The following ADAM28 variants were observed in gnomAD, a reference collection of about 807,000 sequenced individuals.
ADAM28 encodes ADAM metallopeptidase domain 28.
A neutral mutation model predicts 101.2 loss-of-function variants in ADAM28; 105 were observed. The ratio of observed to expected loss-of-function variants is 1.04; its 90% CI spans 0.89 to 1.22. The LOEUF (loss-of-function observed/expected upper bound fraction) is 1.22, where lower values mean the gene tolerates loss of function less well. ADAM28 is among the 50% of genes most tolerant of loss of function. The probability of loss-of-function intolerance (pLI) is 0.00; values close to 1 mark genes in which losing one functional copy is unlikely to be tolerated. For synonymous variants in ADAM28, 322 were observed against 310.6 expected (o/e 1.04, Z -0.39); for missense variants, 1,028 against 945.4 (o/e 1.09, Z -1.15).
In ADAM28 at chr8:24,343,550, C is replaced by A. The variant is rs777423480; in HGVS notation, c.1956C>A (p.Ile652=). The change falls in exon 18 of 23, where the codon ATC becomes ATA. Residue 652 remains isoleucine (I), a synonymous_variant. Transcript: ENST00000265769. ...AGTGTCAATGTGAGGAAGGATGGAT[C>A]CCTCCCGACTGCGATGACTCCTCAG... is the stretch of plus-strand genomic sequence containing the variant. The part of the protein sequence containing the change: ...ELQCQCEEGW[I]PPDCDDSSVV... 1.2e-6 allele frequency: 2 copies of A among 1,613,766 alleles called. No individual in the cohort carries two copies. The highest frequency in any genetic ancestry group is 2.2e-5 in the South Asian group (2 of 91,074).
At chr8:24,341,982 G>A (rs765016507) in intron 16 of ADAM28, among the ~76,000 whole-genome samples, 1 of 152,050 alleles carries the variant, frequency 6.6e-6, no homozygotes, top group Non-Finnish European at 1.5e-5. Context: ...CAAACACTGT[G>A]GTGAAATTTG....
intron 2 of ADAM28, among the ~76,000 whole-genome samples, chr8:24,306,412 CACA>C (rs1329393910): frequency 7.4e-6 from 1 of 134,550 alleles, no homozygotes. Flanking sequence ...ATATGTTCCA[CACA>C]ACACTTCTGA....
At chr8:24,327,729 A>G (rs1030953843) in intron 10 of ADAM28, among the ~76,000 whole-genome samples, 4 of 151,992 alleles carry the variant, frequency 2.6e-5, no homozygotes, top group African/African-American at 9.7e-5. Flanking sequence ...CAGAAATAAT[A>G]CTACACATCT....
chr8:24,323,144 A>T (rs1368876314), intron 8 of ADAM28, among the ~76,000 whole-genome samples: 1 of 151,860 alleles, frequency 6.6e-6, no homozygotes. Context: ...CCTGGCTTGG[A>T]GACAGCTGCC....
chr8:24,337,692 T>C (rs1814266109), intron 14 of ADAM28, among the ~76,000 whole-genome samples: 1 of 152,200 alleles, frequency 6.6e-6, no homozygotes, highest in African/African-American at 2.4e-5. Context: ...AATTCCAAAT[T>C]TTATAATTCA....
chr8:24,311,393 T>G lies in ADAM28; in HGVS notation c.339T>G (p.Asn113Lys). The change falls in exon 5 of 23, where the codon AAT (asparagine) becomes AAG (lysine). Residue 113 changes from asparagine to lysine, a missense_variant. Physicochemically the swap from Asn to Lys is moderately conservative, Grantham distance 94. Coordinates refer to ENST00000265769, the MANE Select transcript of ADAM28 (RefSeq NM_014265.6). ...GTTATTATCAAGGACATATTCTTAA[T>G]GAAAAGGTTTCTGACGCTAGCATCA... is the stretch of plus-strand genomic sequence containing the variant. ...DDCYYQGHILNEKVSDASIST... is the reference protein window; with the variant it reads ...DDCYYQGHILKEKVSDASIST... 2 of 1,613,228 alleles carry G rather than the reference T, an allele frequency of 1.2e-6. No homozygotes were observed. The highest frequency in any genetic ancestry group is 1.1e-5 in the South Asian group (1 of 90,988).
intron 19 of ADAM28, 101 bp from the exon 20 acceptor site, chr8:24,351,131 A>T (rs567117450): frequency 3.3e-5 from 33 of 992,666 alleles, no homozygotes; most frequent in Non-Finnish European, 4.6e-5. Context: ...TAGGCAAGAA[A>T]GACACAATGG....
chr8:24,343,696 C>T (rs1171656382), intron 18 of ADAM28, 112 bp downstream of exon 18: 2 of 947,842 alleles, frequency 2.1e-6, no homozygotes, highest in Non-Finnish European at 3.2e-6. Flanking sequence ...AATTTCTGTT[C>T]TGTTGATGTT....
intron 20 of ADAM28, 144 bp from the exon 21 acceptor site, chr8:24,351,843 G>C (rs1244766197): frequency 2.9e-6 from 2 of 678,744 alleles, no homozygotes. Flanking sequence ...ACGCCAGCAG[G>C]ACCACTGTGA....
At chr8:24,304,916 CAAA>C (rs201577045) in intron 2 of ADAM28, among the ~76,000 whole-genome samples, 1 of 128,348 alleles carries the variant, frequency 7.8e-6, no homozygotes. Context: ...AACTCCTTCT[CAAA>C]AAAAAAAAAA....
intron 20 of ADAM28, 106 bp from the exon 21 acceptor site, chr8:24,351,881 T>C: frequency 9.5e-7 from 1 of 1,050,516 alleles, no homozygotes; most frequent in South Asian, 1.4e-5. Flanking sequence ...TGGTGTCAGC[T>C]TAGTTCCAAG....
intron 14 of ADAM28, among the ~76,000 whole-genome samples, chr8:24,338,426 C>T (rs1309848662): frequency 6.6e-6 from 1 of 152,154 alleles, no homozygotes; most frequent in Admixed American, 6.5e-5. Flanking sequence ...TATCATGCTT[C>T]TCCCTGATTA....
At chr8:24,347,226 T>G (rs1228885461) in intron 18 of ADAM28, among the ~76,000 whole-genome samples, 1 of 152,116 alleles carries the variant, frequency 6.6e-6, no homozygotes, top group Non-Finnish European at 1.5e-5. Context: ...GTCAATTGGT[T>G]TGTGAACATT....
chr8:24,323,905 G>A lies in ADAM28; in HGVS notation c.792G>A (p.Lys264=), dbSNP rs1254782938. 1.9e-6 allele frequency: 3 copies of A among 1,612,284 alleles called. No individual in the cohort carries two copies. Among genetic ancestry groups the A allele is most frequent in the Non-Finnish European group, 2.5e-6 (3 of 1,178,838 alleles). Residue 264 remains lysine (K), a synonymous_variant, in exon 9 of 23, where the codon AAG becomes AAA. Transcript: ENST00000265769. ...TCTGGACTGACAAGGATAAGATAAA[G>A]ATAACCCCAAATGCAAGCTTCACCT... ...MEIWTDKDKI[K]ITPNASFTLE... is the part of the protein sequence containing the mutation.
chr8:24,314,157 C>T (rs111356494), intron 6 of ADAM28, among the ~76,000 whole-genome samples: 2,671 of 152,204 alleles, frequency 0.018, 85 homozygotes, highest in African/African-American at 0.06. Flanking sequence ...TCCCTGTAGC[C>T]TACAATAAAC....
At chr8:24,316,208 C>G (rs1470055641) in intron 6 of ADAM28, among the ~76,000 whole-genome samples, 1 of 151,730 alleles carries the variant, frequency 6.6e-6, no homozygotes, top group African/African-American at 2.4e-5. Context: ...TTTTCCAAAA[C>G]CAAATAAAGT....
In ADAM28 at chr8:24,348,900, C is replaced by A. The variant is rs1295215779; in HGVS notation, c.1991-964C>A. Among the ~76,000 whole-genome samples, 3 of 152,160 alleles carry A rather than the reference C, an allele frequency of 2.0e-5. No homozygotes were observed. The South Asian group carries it at 6.2e-4, about 31-fold the overall frequency. On this transcript the variant is annotated intron_variant, in intron 18 of 22. Coordinates refer to ENST00000265769, the MANE Select transcript of ADAM28 (RefSeq NM_014265.6). The stretch of plus-strand genomic sequence containing the variant: ...AATAGTTACAGTTCTGATATTAGTG[C>A]AAGTAAGTGTATGTTTTTCATTCTG...
At chr8:24,350,203 A>G (rs1426196101) in intron 19 of ADAM28, among the ~76,000 whole-genome samples, 1 of 152,170 alleles carries the variant, frequency 6.6e-6, no homozygotes, top group Non-Finnish European at 1.5e-5. Context: ...AGTTATAATA[A>G]TAAGAGTGAT....
At chr8:24,323,713 C>A in intron 8 of ADAM28, 121 bp from the exon 9 acceptor site, 2 of 1,006,138 alleles carry the variant, frequency 2.0e-6, no homozygotes, top group Non-Finnish European at 2.8e-6. Context: ...CACAAATATG[C>A]TTGGAAATAA....
Sources: gnomAD v4.1 joint callset for allele counts (sites outside exome capture counted in the v4.1 genomes callset) on GRCh38, gnomAD v4.1.1 for gene constraint, MANE v1.5 for transcripts, NCBI Gene and HGNC (gene_info 2026-07-23, HGNC 2026-07-21) for gene names.